Variants in VIPR1 observed in about 807,000 individuals in gnomAD.
The protein encoded by VIPR1 is vasoactive intestinal peptide receptor 1, also known as vasoactive intestinal polypeptide receptor 1.
VIPR1 carries 59 observed loss-of-function variants against 58.8 expected under a neutral mutation model. The observed-to-expected ratio is 1.00, with a 90% CI of 0.81 to 1.25. The LOEUF (loss-of-function observed/expected upper bound fraction) is 1.25. Among genes scored for constraint, VIPR1 ranks in the 50% most tolerant of loss-of-function variants. The pLI is 0.00. For synonymous variants in VIPR1, 251 were observed against 242.1 expected (o/e 1.04, Z -0.34); for missense variants, 626 against 602.7 (o/e 1.04, Z -0.40).
intron 4 of VIPR1, among the ~76,000 whole-genome samples, chr3:42,526,497 T>A (rs1289903665): frequency 6.6e-6 from 1 of 152,170 alleles, no homozygotes; most frequent in South Asian, 2.1e-4. Context: ...GTAAGGACAT[T>A]GATGGGGAGG....
chr3:42,508,632 C>G (rs908038490), intron 1 of VIPR1, among the ~76,000 whole-genome samples: 1 of 152,126 alleles, frequency 6.6e-6, no homozygotes, highest in Non-Finnish European at 1.5e-5. Context: ...ATTTTGATTT[C>G]CTTTAGTGCT....
At position 42,536,085 on chromosome 3, in the gene VIPR1, C is replaced by T. The variant is rs116429753; in HGVS notation, c.1183-5C>T. 0.015 allele frequency: 24,587 copies of T among 1,592,570 alleles called. 210 individuals carry two copies. Among genetic ancestry groups the T allele is most frequent in the Non-Finnish European group, 0.018 (21,071 of 1,169,938 alleles). ...AGTGGGCCTGACCACCTTCCCCTCT[C>T]CTAGGTGCAGGCGGAGCTGAGGCGG... On this transcript the variant is annotated splice_polypyrimidine_tract_variant and splice_region_variant and intron_variant, in intron 12 of 12. Transcript: ENST00000325123.
At chr3:42,531,936 G>A (rs1200141453) in intron 9 of VIPR1, 67 bp downstream of exon 9, 20 of 1,573,136 alleles carry the variant, frequency 1.3e-5, no homozygotes, top group Non-Finnish European at 1.7e-5. Flanking sequence ...TTAGCCCAAG[G>A]TCACATGGGA....
chr3:42,530,862 G>C lies in VIPR1; in HGVS notation c.720G>C (p.Leu240=), dbSNP rs1364327369. The change falls in exon 7 of 13, where the codon CTG becomes CTC. Residue 240 remains leucine (L), a synonymous_variant. Coordinates refer to ENST00000325123, the MANE Select transcript of VIPR1 (RefSeq NM_004624.4). ...FFWLLVEGLY[L]YTLLAVSFFS... is the part of the protein sequence containing the mutation. Reference sequence around the variant, plus strand: ...GGCTGCTGGTGGAGGGCCTCTACCTGTACACCCTGCTTGCCGTCTCCTTCT... The same window carrying C: ...GGCTGCTGGTGGAGGGCCTCTACCTCTACACCCTGCTTGCCGTCTCCTTCT... The C allele has an allele frequency of 1.1e-5, 18 of 1,613,982 alleles. No homozygotes were observed. The Admixed American group carries it at 1.5e-4, about 13-fold the overall frequency.
At position 42,513,873 on chromosome 3, in the gene VIPR1, G is replaced by A; in HGVS notation, c.184+19G>A. 6.4e-7 allele frequency: 1 copy of A among 1,550,438 alleles called. No individual in the cohort carries two copies. Among genetic ancestry groups the A allele is most frequent in the Non-Finnish European group, 8.7e-7 (1 of 1,145,946 alleles). On this transcript the variant is annotated intron_variant, in intron 2 of 12. Coordinates refer to ENST00000325123, the MANE Select transcript of VIPR1 (RefSeq NM_004624.4). Reference sequence around the variant, plus strand: ...ACAATAGGTGAGGCCCCCATGGGCAGAGAGGGGCTGCATGCCCCCAGGGAG... The same window carrying A: ...ACAATAGGTGAGGCCCCCATGGGCAAAGAGGGGCTGCATGCCCCCAGGGAG...
At chr3:42,531,751 TCTC>T in intron 8 of VIPR1, 49 bp from the exon 9 acceptor site, 3 of 1,610,820 alleles carry the variant, frequency 1.9e-6, no homozygotes, top group Non-Finnish European at 2.5e-6. Context: ...TGCTGCTGAG[TCTC>T]TCTCTGGCTG....
intron 10 of VIPR1, 80 bp downstream of exon 10, chr3:42,532,413 C>G: frequency 7.1e-7 from 1 of 1,417,694 alleles, no homozygotes; most frequent in Non-Finnish European, 1.0e-6. Context: ...TTGAAGTCCT[C>G]CCACCCCAAA....
At position 42,511,601 on chromosome 3, in the gene VIPR1, G is replaced by A. The variant is rs1018731846; in HGVS notation, c.79-2148G>A. Reference sequence around the variant, plus strand: ...TATCTGCTACCATCCATCCTGTTTTGACGTTACAGTGTTATGAGAGATAAG... The same window carrying A: ...TATCTGCTACCATCCATCCTGTTTTAACGTTACAGTGTTATGAGAGATAAG... On this transcript the variant is annotated intron_variant, in intron 1 of 12. Coordinates refer to ENST00000325123, the MANE Select transcript of VIPR1 (RefSeq NM_004624.4). 6.6e-5 allele frequency: 10 copies of A among 152,354 alleles called. 1 individual carries two copies. Among genetic ancestry groups the A allele is most frequent in the South Asian group, 2.1e-4 (1 of 4,826 alleles). The allele number at this position is 152,354 out of a possible 1,614,324, so 9.4% of individuals were successfully genotyped here.
At chr3:42,512,655 G>C (rs554025650) in intron 1 of VIPR1, 1 of 858,476 alleles carries the variant, frequency 1.2e-6, no homozygotes, top group African/African-American at 1.8e-5. Context: ...GGGTGGGAGG[G>C]ACAAGCTGGA....
upstream of VIPR1, among the ~76,000 whole-genome samples, chr3:42,498,310 A>G (rs535280630): frequency 5.2e-4 from 79 of 152,218 alleles, no homozygotes; most frequent in Non-Finnish European, 8.5e-4. Context: ...AAAGCACAGT[A>G]GGGTTACTAA....
intron 1 of VIPR1, among the ~76,000 whole-genome samples, chr3:42,503,436 C>T (rs1316518342): frequency 6.6e-6 from 1 of 152,140 alleles, no homozygotes; most frequent in Non-Finnish European, 1.5e-5. Context: ...AGGGGCCAGG[C>T]CTGTACATGG....
At chr3:42,504,872 C>G (rs1700039250) in intron 1 of VIPR1, among the ~76,000 whole-genome samples, 1 of 139,386 alleles carries the variant, frequency 7.2e-6, no homozygotes, top group Admixed American at 7.8e-5. Context: ...TGACTTCAGC[C>G]TGGGAAGGAG....
chr3:42,526,350 C>T (rs1701233953), intron 4 of VIPR1, among the ~76,000 whole-genome samples: 1 of 152,226 alleles, frequency 6.6e-6, no homozygotes, highest in Admixed American at 6.5e-5. Flanking sequence ...CGAGTTGCTG[C>T]AGGTCCTGGA....
At chr3:42,509,441 T>A (rs571263572) in intron 1 of VIPR1, 2 of 152,454 alleles carry the variant, frequency 1.3e-5, no homozygotes, top group Admixed American at 6.5e-5. Context: ...ACTCCCAGCA[T>A]CTTCACCCAT....
intron 3 of VIPR1, among the ~76,000 whole-genome samples, chr3:42,524,489 C>A (rs1192826027): frequency 6.6e-6 from 1 of 152,190 alleles, no homozygotes; most frequent in Non-Finnish European, 1.5e-5. Flanking sequence ...TGGAAATAGA[C>A]CCAGCCCACG....
intron 1 of VIPR1, 165 bp from the exon 2 acceptor site, chr3:42,513,584 C>A: frequency 1.5e-6 from 1 of 676,598 alleles, no homozygotes; most frequent in Non-Finnish European, 2.4e-6. Context: ...GGGCAATGGA[C>A]AACAGGTTGG....
chr3:42,499,129 T>G (rs1699819890), upstream of VIPR1, among the ~76,000 whole-genome samples: 1 of 152,202 alleles, frequency 6.6e-6, no homozygotes, highest in African/African-American at 2.4e-5. Context: ...CGTGGGTGGC[T>G]CTGGCAGGGG....
At position 42,522,101 on chromosome 3, in the gene VIPR1, ATTTTTTTTTTTTTTTTT is replaced by A. The variant is rs1158302778; in HGVS notation, c.292+2784_292+2800del. Among the ~76,000 whole-genome samples, 211 of 35,390 alleles carry A rather than the reference ATTTTTTTTTTTTTTTTT, an allele frequency of 6.0e-3. 5 individuals are homozygous for A. The highest frequency in any genetic ancestry group is 0.053 in the Middle Eastern group (2 of 38). 23.2% of individuals were successfully genotyped at this position (35,390 alleles called of 152,430 possible). ...TTCGAATATATATATATATATATATATTTTTTTTTTTTTTTTTTTTTTTTTTTTTAGACAGCGTCTCG... is the reference window on the plus strand; with the variant it reads ...TTCGAATATATATATATATATATATATTTTTTTTTTTTAGACAGCGTCTCG... On this transcript the variant is annotated intron_variant, in intron 3 of 12. Coordinates refer to ENST00000325123, the MANE Select transcript of VIPR1 (RefSeq NM_004624.4).
At chr3:42,527,231 G>T (rs1300893855) in intron 4 of VIPR1, among the ~76,000 whole-genome samples, 162 bp from the exon 5 acceptor site, 1 of 152,068 alleles carries the variant, frequency 6.6e-6, no homozygotes, top group African/African-American at 2.4e-5. Flanking sequence ...GGCGTTAGGG[G>T]TCAGGGGCTC....
Sources: allele counts gnomAD v4.1 joint callset (sites outside exome capture counted in the v4.1 genomes callset), GRCh38; gene constraint gnomAD v4.1.1; transcripts MANE v1.5; gene names NCBI Gene and HGNC (gene_info 2026-07-23, HGNC 2026-07-21).